Variants in NRG3 observed in about 807,000 individuals in gnomAD.
The protein encoded by NRG3 is pro-neuregulin-3, membrane-bound isoform.
A neutral mutation model predicts 66.9 loss-of-function variants in NRG3; 31 were observed. The observed-to-expected ratio is 0.46, with a 90% CI of 0.35 to 0.63. The LOEUF is 0.63. Ranked by LOEUF, NRG3 falls within the 20% of genes least tolerant of loss-of-function variation. The probability of loss-of-function intolerance (pLI) is 0.00; values close to 1 mark genes in which losing one functional copy is unlikely to be tolerated. For missense variants in NRG3, 910 were observed against 878.9 expected (o/e 1.04, Z -0.45); for synonymous variants, 393 against 359.4 (o/e 1.09, Z -1.06).
chr10:82,857,943 T>G (rs963073988), intron 3 of NRG3, among the ~76,000 whole-genome samples: 1 of 152,128 alleles, frequency 6.6e-6, no homozygotes, highest in African/African-American at 2.4e-5. Flanking sequence ...AGGACAGACA[T>G]TCTAGGATTG....
At chr10:81,938,618 A>AGAGTGT (rs1554860998) in intron 1 of NRG3, among the ~76,000 whole-genome samples, 4 of 144,194 alleles carry the variant, frequency 2.8e-5, no homozygotes, top group Non-Finnish European at 6.1e-5. Context: ...GAGTTCTGAC[A>AGAGTGT]GTGTGTGTGT....
chr10:82,033,337 T>C (rs2062655841), intron 1 of NRG3, among the ~76,000 whole-genome samples: 1 of 152,116 alleles, frequency 6.6e-6, no homozygotes, highest in African/African-American at 2.4e-5. Flanking sequence ...CTACAGTACA[T>C]TGTTCCCTCT....
At chr10:82,724,595 G>T (rs529742638) in intron 2 of NRG3, among the ~76,000 whole-genome samples, 2 of 152,258 alleles carry the variant, frequency 1.3e-5, no homozygotes, top group Middle Eastern at 6.8e-3. Context: ...TATGATTCAG[G>T]CATGTGAGCT....
chr10:82,798,266 T>C (rs955868405), intron 3 of NRG3, among the ~76,000 whole-genome samples: 1 of 152,170 alleles, frequency 6.6e-6, no homozygotes, highest in Non-Finnish European at 1.5e-5. Flanking sequence ...TCAGTTCCAA[T>C]ACAGAAGAAT....
intron 1 of NRG3, chr10:82,228,933 T>C (rs2133858801): frequency 6.6e-6 from 1 of 152,390 alleles, no homozygotes. Context: ...TTACCACTTG[T>C]ATGAAAGGAG....
At chr10:81,877,994 G>T in intron 1 of NRG3, 1 of 1,537,700 alleles carries the variant, frequency 6.5e-7, no homozygotes. Context: ...CCTTGTATGC[G>T]TTGGGAGAGG....
intron 1 of NRG3, among the ~76,000 whole-genome samples, chr10:81,894,219 T>C (rs1377067759): frequency 6.6e-6 from 1 of 152,108 alleles, no homozygotes; most frequent in Non-Finnish European, 1.5e-5. Context: ...TTTGTGCCTG[T>C]AGTCCCAGCT....
At chr10:82,733,444 A>G (rs2058016479) in intron 2 of NRG3, among the ~76,000 whole-genome samples, 1 of 152,192 alleles carries the variant, frequency 6.6e-6, no homozygotes, top group South Asian at 2.1e-4. Flanking sequence ...ATATACCCAT[A>G]CAACTAAATG....
At chr10:82,690,169 G>A (rs2054812358) in intron 2 of NRG3, among the ~76,000 whole-genome samples, 1 of 152,060 alleles carries the variant, frequency 6.6e-6, no homozygotes, top group Non-Finnish European at 1.5e-5. Context: ...GAAATCTTTA[G>A]CTTTGAAATA....
intron 1 of NRG3, among the ~76,000 whole-genome samples, chr10:82,286,047 T>C (rs2071977477): frequency 6.6e-6 from 1 of 152,158 alleles, no homozygotes; most frequent in South Asian, 2.1e-4. Context: ...GTCTGTTATG[T>C]GTTGATTCTA....
rs901822979 is a variant in NRG3, at chr10:82,625,012, C to T, written c.954-113565C>T. On this transcript the variant is annotated intron_variant, in intron 2 of 8. Coordinates refer to ENST00000372141, the MANE Select transcript of NRG3 (RefSeq NM_001010848.4). ...TGGCTAGACCAGTGAGCCTAAAGGA[C>T]GTTAAAGATCTTTCCTATTCTGGAT... 4.6e-5 allele frequency among the ~76,000 whole-genome samples: 7 copies of T among 150,746 alleles called. No homozygotes were observed. The South Asian group carries it at 8.4e-4, about 18-fold the overall frequency.
intron 1 of NRG3, among the ~76,000 whole-genome samples, chr10:82,258,130 C>G (rs533576642): frequency 3.3e-5 from 5 of 152,212 alleles, no homozygotes; most frequent in Non-Finnish European, 7.3e-5. Context: ...CCAGATGCAG[C>G]AGTGCTGTAG....
At chr10:82,207,185 A>G (rs2075161027) in intron 1 of NRG3, among the ~76,000 whole-genome samples, 1 of 152,192 alleles carries the variant, frequency 6.6e-6, no homozygotes, top group African/African-American at 2.4e-5. Context: ...GTACTATTAG[A>G]CAATCAATGC....
At chr10:82,157,011 T>C (rs2071242155) in intron 1 of NRG3, among the ~76,000 whole-genome samples, 1 of 151,824 alleles carries the variant, frequency 6.6e-6, no homozygotes, top group Non-Finnish European at 1.5e-5. Context: ...AATCCCAGTC[T>C]GTAGTAATGA....
intron 1 of NRG3, among the ~76,000 whole-genome samples, chr10:82,174,287 T>C (rs1032500825): frequency 6.6e-6 from 1 of 152,158 alleles, no homozygotes; most frequent in African/African-American, 2.4e-5. Flanking sequence ...TTCTCCTTTA[T>C]CTTTTATCCT....
At chr10:82,805,291 TC>T (rs1394968087) in intron 3 of NRG3, among the ~76,000 whole-genome samples, 4 of 152,140 alleles carry the variant, frequency 2.6e-5, no homozygotes. Flanking sequence ...CATCGGACAT[TC>T]CTTTGATCGT....
intron 3 of NRG3, among the ~76,000 whole-genome samples, chr10:82,815,634 C>A (rs2061673985): frequency 6.6e-6 from 1 of 152,044 alleles, no homozygotes; most frequent in Admixed American, 6.5e-5. Context: ...GTGTATATGT[C>A]ATGGGATCCT....
At chr10:82,919,630 A>T (rs1275548055) in intron 4 of NRG3, among the ~76,000 whole-genome samples, 1 of 152,204 alleles carries the variant, frequency 6.6e-6, no homozygotes, top group Non-Finnish European at 1.5e-5. Context: ...ACAAGCCATT[A>T]TGAAATCCTT....
At chr10:82,525,568 G>A (rs2132588346) in intron 2 of NRG3, among the ~76,000 whole-genome samples, 1 of 152,000 alleles carries the variant, frequency 6.6e-6, no homozygotes, top group East Asian at 1.9e-4. Flanking sequence ...GAAACAGTTT[G>A]TAAAGTTGTA....
Sources: allele counts gnomAD v4.1 joint callset (sites outside exome capture counted in the v4.1 genomes callset), GRCh38; gene constraint gnomAD v4.1.1; transcripts MANE v1.5; gene names NCBI Gene and HGNC (gene_info 2026-07-23, HGNC 2026-07-21).